Variants in RANBP9 observed in about 807,000 individuals in gnomAD.
RANBP9 encodes the protein ran-binding protein 9.
RANBP9 carries 15 observed loss-of-function variants against 84.3 expected under a neutral mutation model. The observed-to-expected ratio is 0.18, with a 90% confidence interval of 0.12 to 0.27. The LOEUF is 0.27. Among genes scored for constraint, RANBP9 ranks in the 10% least tolerant of loss-of-function variants. The pLI is 1.00. For missense variants in RANBP9, 809 were observed against 912.8 expected (o/e 0.89, Z 1.46); for synonymous variants, 392 against 349.6 (o/e 1.12, Z -1.35).
At chr6:13,634,284 T>C (rs1764876608) in intron 11 of RANBP9, 147 bp downstream of exon 11, 2 of 936,474 alleles carry the variant, frequency 2.1e-6, no homozygotes, top group Non-Finnish European at 3.0e-6. Context: ...CAAACAAGAG[T>C]TTAAGTGCTA....
At chr6:13,706,460 C>T (rs1344209217) in intron 1 of RANBP9, among the ~76,000 whole-genome samples, 3 of 152,164 alleles carry the variant, frequency 2.0e-5, no homozygotes, top group Non-Finnish European at 4.4e-5. Context: ...TTTGGGAGGG[C>T]GAGGCGGGCA....
chr6:13,625,448 C>G (rs377279017), intron 13 of RANBP9, among the ~76,000 whole-genome samples: 1 of 152,106 alleles, frequency 6.6e-6, no homozygotes, highest in East Asian at 1.9e-4. Context: ...AAGTTGTACC[C>G]CATCTTACTG....
intron 12 of RANBP9, among the ~76,000 whole-genome samples, chr6:13,631,100 G>GC (rs1297494791): frequency 6.6e-6 from 1 of 152,080 alleles, no homozygotes; most frequent in Non-Finnish European, 1.5e-5. Flanking sequence ...GAGCCACCGC[G>GC]CCCGGCCTGA....
intron 2 of RANBP9, among the ~76,000 whole-genome samples, chr6:13,670,194 G>A (rs937630507): frequency 1.3e-5 from 2 of 152,160 alleles, no homozygotes; most frequent in African/African-American, 4.8e-5. Flanking sequence ...TCGGGAGGCT[G>A]AGGCATTAGA....
At chr6:13,685,979 A>ATG (rs1766166434) in intron 2 of RANBP9, among the ~76,000 whole-genome samples, 2 of 151,982 alleles carry the variant, frequency 1.3e-5, no homozygotes, top group South Asian at 2.1e-4. Context: ...GTGTATATAT[A>ATG]AAATCCGAAA....
Position 13,646,301 on chromosome 6 carries a change from C to T in RANBP9, c.928-1572G>A, listed in dbSNP as rs144223199. ...GCGCATGCCTGTAATCCCAGCTACTCGGGAGGCTGAGGAAGGATAATCGCT... is the reference window on the plus strand; with the variant it reads ...GCGCATGCCTGTAATCCCAGCTACTTGGGAGGCTGAGGAAGGATAATCGCT... On this transcript the variant is annotated intron_variant, in intron 5 of 13. Coordinates refer to ENST00000011619, the MANE Select transcript of RANBP9 (RefSeq NM_005493.3). Among the ~76,000 whole-genome samples, 486 of 152,190 alleles carry T rather than the reference C, an allele frequency of 3.2e-3. 2 individuals carry two copies. Among genetic ancestry groups the T allele is most frequent in the African/African-American group, 0.011 (470 of 41,512 alleles).
intron 2 of RANBP9, among the ~76,000 whole-genome samples, chr6:13,691,940 T>C (rs1050719602): frequency 3.3e-5 from 5 of 152,056 alleles, no homozygotes; most frequent in African/African-American, 9.7e-5. Flanking sequence ...TGCTAAAGGC[T>C]AGAGCCACTG....
chr6:13,668,267 C>T lies in RANBP9; in HGVS notation c.684-9435G>A, dbSNP rs138527228. Among the ~76,000 whole-genome samples the T allele has an allele frequency of 7.9e-3, 1,206 of 152,110 alleles. 13 individuals carry two copies. The highest frequency in any genetic ancestry group is 0.027 in the African/African-American group (1,124 of 41,524). ...TAATTTTAAAACACAAAGACAAGCC[C>T]GTGCTCAGATGGCTTCACTGGGGAA... On this transcript the variant is annotated intron_variant, in intron 2 of 13. Coordinates refer to ENST00000011619, the MANE Select transcript of RANBP9 (RefSeq NM_005493.3).
At chr6:13,633,757 A>G (rs1369081017) in intron 11 of RANBP9, among the ~76,000 whole-genome samples, 2 of 152,246 alleles carry the variant, frequency 1.3e-5, no homozygotes, top group African/African-American at 2.4e-5. Context: ...CAAAATAATA[A>G]GAAATCTAAC....
intron 10 of RANBP9, 106 bp from the exon 11 acceptor site, chr6:13,634,658 A>AG (rs1764891167): frequency 1.9e-6 from 2 of 1,064,750 alleles, no homozygotes; most frequent in South Asian, 2.3e-5. Flanking sequence ...TAATTTCATA[A>AG]GGCAACAGAA....
chr6:13,622,547 ACATTT>A (rs1256944828), intron 13 of RANBP9, 55 bp from the exon 14 acceptor site: 29 of 1,487,328 alleles, frequency 1.9e-5, no homozygotes, highest in African/African-American at 2.8e-5. Flanking sequence ...ATTTTAAAAA[ACATTT>A]CAATCAGGAG....
intron 2 of RANBP9, 110 bp from the exon 3 acceptor site, chr6:13,658,942 C>T: frequency 1.9e-6 from 2 of 1,036,214 alleles, no homozygotes; most frequent in Non-Finnish European, 3.0e-6. Flanking sequence ...GTTGGAACTC[C>T]TAAGGTAGCA....
intron 1 of RANBP9, among the ~76,000 whole-genome samples, chr6:13,706,954 A>G (rs1026881255): frequency 3.3e-5 from 5 of 150,632 alleles, no homozygotes; most frequent in African/African-American, 1.2e-4. Context: ...TGCAATGAGT[A>G]GAGATTGTAC....
chr6:13,624,705 A>C (rs1012172886), intron 13 of RANBP9, among the ~76,000 whole-genome samples: 11 of 152,218 alleles, frequency 7.2e-5, no homozygotes, highest in African/African-American at 2.7e-4. Context: ...ATGGCAACCA[A>C]ACGAACATCG....
chr6:13,711,527 G>A lies in RANBP9; in HGVS notation c.-22C>T, dbSNP rs757591093. ...ACATCCCGGCCGCGACTCAGCCTGC[G>A]GCCACCTCCACCTCTTCTCTCCTTC... On this transcript the variant is annotated 5_prime_UTR_variant, in exon 1 of 14. Coordinates refer to ENST00000011619, the MANE Select transcript of RANBP9 (RefSeq NM_005493.3). 25 of 1,245,490 alleles carry A rather than the reference G, an allele frequency of 2.0e-5. No homozygotes were observed. Among genetic ancestry groups the A allele is most frequent in the Middle Eastern group, 3.3e-4 (1 of 3,012 alleles). 77.2% of individuals were successfully genotyped at this position (1,245,490 alleles called of 1,614,324 possible).
chr6:13,639,419 C>T (rs1369701050), intron 9 of RANBP9, 144 bp downstream of exon 9: 5 of 810,428 alleles, frequency 6.2e-6, no homozygotes, highest in Non-Finnish European at 9.4e-6. Flanking sequence ...ACCTCGTGAT[C>T]CGCCCACCCT....
intron 5 of RANBP9, among the ~76,000 whole-genome samples, chr6:13,651,570 AT>A (rs1303546065): frequency 5.0e-4 from 71 of 141,374 alleles, no homozygotes; most frequent in Admixed American, 6.3e-4. Context: ...AATTTTTTGT[AT>A]TTTTTTTTTT....
At chr6:13,654,691 G>A (rs1044305856) in intron 4 of RANBP9, among the ~76,000 whole-genome samples, 1 of 152,184 alleles carries the variant, frequency 6.6e-6, no homozygotes, top group Non-Finnish European at 1.5e-5. Flanking sequence ...CTCTGCCACT[G>A]TAACAGGAAA....
chr6:13,627,974 G>GA (rs1303908813), intron 12 of RANBP9, among the ~76,000 whole-genome samples: 2 of 149,718 alleles, frequency 1.3e-5, no homozygotes, highest in Middle Eastern at 3.4e-3. Context: ...GAACTTAAAG[G>GA]AAAAAAAAAT....
Sources: gnomAD v4.1 joint callset for allele counts (sites outside exome capture counted in the v4.1 genomes callset) on GRCh38, gnomAD v4.1.1 for gene constraint, MANE v1.5 for transcripts, NCBI Gene and HGNC (gene_info 2026-07-23, HGNC 2026-07-21) for gene names.